Variants in NCALD observed in about 807,000 individuals in gnomAD.
NCALD encodes the protein neurocalcin-delta.
NCALD carries 10 observed loss-of-function variants against 18.6 expected under a neutral mutation model. The ratio of observed to expected loss-of-function variants is 0.54; its 90% CI spans 0.33 to 0.91. NCALD has a LOEUF of 0.91. Ranked by LOEUF, NCALD falls within the 40% of genes least tolerant of loss-of-function variation. The pLI is 0.03. For synonymous variants in NCALD, 88 were observed against 87.4 expected (o/e 1.01, Z -0.04); for missense variants, 184 against 247.6 (o/e 0.74, Z 1.72).
At chr8:102,079,846 T>C (rs543432985) in intron 1 of NCALD, among the ~76,000 whole-genome samples, 1 of 152,356 alleles carries the variant, frequency 6.6e-6, no homozygotes, top group South Asian at 2.1e-4. Context: ...GGAAGTCCCA[T>C]CATGCTACAA....
intron 4 of NCALD, among the ~76,000 whole-genome samples, chr8:101,833,529 T>C (rs567551680): frequency 1.3e-5 from 2 of 152,176 alleles, no homozygotes; most frequent in East Asian, 1.9e-4. Flanking sequence ...TAATAAAGCA[T>C]ATAGGACCCC....
intron 4 of NCALD, among the ~76,000 whole-genome samples, chr8:101,883,627 G>A (rs1816569769): frequency 6.6e-6 from 1 of 152,114 alleles, no homozygotes; most frequent in Non-Finnish European, 1.5e-5. Flanking sequence ...AAGGACATCT[G>A]TCCTAAGCAT....
At chr8:101,745,341 G>A (rs79428628) in intron 1 of NCALD, among the ~76,000 whole-genome samples, 5,232 of 152,158 alleles carry the variant, frequency 0.034, 191 homozygotes, top group African/African-American at 0.091. Context: ...ATGTGGAAAC[G>A]GGCTTTGAAA....
chr8:101,977,802 CCT>C (rs1188468291), intron 2 of NCALD, among the ~76,000 whole-genome samples: 1 of 152,160 alleles, frequency 6.6e-6, no homozygotes, highest in Non-Finnish European at 1.5e-5. Context: ...ACACAGCGAT[CCT>C]TTCAGAGTGT....
chr8:101,842,798 C>G (rs1481454021), intron 4 of NCALD, among the ~76,000 whole-genome samples: 6 of 152,198 alleles, frequency 3.9e-5, no homozygotes, highest in Non-Finnish European at 8.8e-5. Context: ...TTTTCAGAAC[C>G]TCTGGTAACA....
intron 2 of NCALD, among the ~76,000 whole-genome samples, chr8:101,933,348 C>A (rs112339838): frequency 2.6e-5 from 4 of 152,144 alleles, no homozygotes; most frequent in African/African-American, 9.7e-5. Context: ...ATGATGGAAG[C>A]GGAGATTGGC....
At chr8:101,907,021 A>C (rs565548165) in intron 3 of NCALD, among the ~76,000 whole-genome samples, 1 of 152,358 alleles carries the variant, frequency 6.6e-6, no homozygotes, top group East Asian at 1.9e-4. Flanking sequence ...CCTGGGTTCC[A>C]GTGTGACTCT....
intron 2 of NCALD, among the ~76,000 whole-genome samples, chr8:101,931,285 T>A (rs569345045): frequency 6.6e-6 from 1 of 152,244 alleles, no homozygotes. Flanking sequence ...AGTTCACTTA[T>A]CATTCATTTG....
intron 1 of NCALD, among the ~76,000 whole-genome samples, chr8:102,080,388 A>AT (rs1824487596): frequency 6.6e-6 from 1 of 152,086 alleles, no homozygotes; most frequent in South Asian, 2.1e-4. Context: ...GGCACACCAC[A>AT]TTTTTTCAGA....
chr8:101,828,348 C>T (rs1814027252), intron 4 of NCALD, among the ~76,000 whole-genome samples: 1 of 152,144 alleles, frequency 6.6e-6, no homozygotes, highest in Non-Finnish European at 1.5e-5. Flanking sequence ...TCAATGCTTC[C>T]TCTCCCCGTC....
chr8:101,947,598 A>G (rs747776268), intron 2 of NCALD, among the ~76,000 whole-genome samples: 8 of 152,256 alleles, frequency 5.3e-5, no homozygotes, highest in Non-Finnish European at 8.8e-5. Context: ...GGGATGGACT[A>G]AACAGCTGAT....
At chr8:101,852,935 C>G (rs898417302) in intron 4 of NCALD, among the ~76,000 whole-genome samples, 4 of 152,124 alleles carry the variant, frequency 2.6e-5, no homozygotes, top group Non-Finnish European at 5.9e-5. Flanking sequence ...ATACAAAATA[C>G]ATTTGCAGGC....
rs1455973073 is a variant in NCALD, at chr8:102,010,800, C to T, written c.-157+9437G>A. Among the ~76,000 whole-genome samples, 3 of 152,166 alleles carry T rather than the reference C, an allele frequency of 2.0e-5. No homozygotes were observed. The East Asian group carries it at 5.8e-4, about 29-fold the overall frequency. On this transcript the variant is annotated intron_variant, in intron 2 of 6. Coordinates refer to the NCALD transcript ENST00000311028. Reference sequence around the variant, plus strand: ...AACAATTATCAGGTGATGGGGACTTCCTCTTCTTCATTGTGTTTGTGGGTG... The same window carrying T: ...AACAATTATCAGGTGATGGGGACTTTCTCTTCTTCATTGTGTTTGTGGGTG...
chr8:102,024,123 A>AT (rs1304938545), intron 1 of NCALD, among the ~76,000 whole-genome samples: 3 of 152,198 alleles, frequency 2.0e-5, no homozygotes, highest in African/African-American at 2.4e-5. Flanking sequence ...TGCGTAACTG[A>AT]ATGGGAAAAA....
intron 2 of NCALD, among the ~76,000 whole-genome samples, chr8:101,942,566 C>G (rs989691716): frequency 3.9e-5 from 6 of 152,122 alleles, no homozygotes; most frequent in African/African-American, 1.4e-4. Context: ...TAAGAACTAC[C>G]CCAATTACAT....
rs545964966 is a variant in NCALD at position 102,017,551 on chromosome 8, C to T, written c.-157+2686G>A. Among the ~76,000 whole-genome samples, 56 of 152,118 alleles carry T rather than the reference C, an allele frequency of 3.7e-4. No individual in the cohort carries two copies. In the South Asian group the frequency reaches 0.011, roughly 29 times the overall value. Reference sequence around the variant, plus strand: ...CTCCACTAAAAATGCAAAAATTAGCCGGGTGTGGTGGTGGGCACCTGCAGT... The same window carrying T: ...CTCCACTAAAAATGCAAAAATTAGCTGGGTGTGGTGGTGGGCACCTGCAGT... On this transcript the variant is annotated intron_variant, in intron 2 of 6. Transcript: ENST00000311028.
At chr8:102,061,759 C>T (rs910094493) in intron 1 of NCALD, among the ~76,000 whole-genome samples, 1 of 152,180 alleles carries the variant, frequency 6.6e-6, no homozygotes, top group Admixed American at 6.5e-5. Flanking sequence ...CCTCCATACT[C>T]GGCAGAATTT....
chr8:102,028,768 A>T (rs993103386), intron 1 of NCALD, among the ~76,000 whole-genome samples: 1 of 152,184 alleles, frequency 6.6e-6, no homozygotes. Context: ...TGCAGCCCCA[A>T]CCTTCTGGTC....
At chr8:102,086,646 T>G (rs1053124629) in intron 1 of NCALD, among the ~76,000 whole-genome samples, 1 of 152,120 alleles carries the variant, frequency 6.6e-6, no homozygotes, top group African/African-American at 2.4e-5. Flanking sequence ...AAAGAGCAAA[T>G]ACAATCATTT....
Sources: allele counts gnomAD v4.1 joint callset (sites outside exome capture counted in the v4.1 genomes callset), GRCh38; gene constraint gnomAD v4.1.1; transcripts MANE v1.5; gene names NCBI Gene and HGNC (gene_info 2026-07-23, HGNC 2026-07-21).